The following IL18RAP variants were observed in gnomAD, a reference collection of about 807,000 sequenced individuals.
The protein encoded by IL18RAP is interleukin 18 receptor accessory protein.
IL18RAP carries 37 observed loss-of-function variants against 58.1 expected under a neutral mutation model. The observed-to-expected ratio is 0.64, with a 90% CI of 0.49 to 0.84. IL18RAP has a LOEUF of 0.84. IL18RAP is among the 40% of genes least tolerant of loss of function. The pLI is 0.00. For missense variants in IL18RAP, 667 were observed against 704.8 expected (o/e 0.95, Z 0.61); for synonymous variants, 268 against 257.5 (o/e 1.04, Z -0.39).
At chr2:102,420,752 A>C (rs985785769), upstream of IL18RAP, among the ~76,000 whole-genome samples, 10 of 152,170 alleles carry the variant, frequency 6.6e-5, no homozygotes, top group African/African-American at 2.4e-4. Context: ...AGGTGGAGGA[A>C]CTACTGATAC....
Position 102,424,365 on chromosome 2 carries a change from G to T in IL18RAP, c.530G>T (p.Ser177Ile), listed in dbSNP as rs1453932697. 2 of 1,614,062 alleles carry T rather than the reference G, an allele frequency of 1.2e-6. No homozygotes were observed. The highest frequency in any genetic ancestry group is 1.7e-6 in the Non-Finnish European group (2 of 1,179,952). Residue 177 changes from serine (S) to isoleucine (I), a missense_variant, in exon 3 of 10, where the codon AGT becomes ATT. Coordinates refer to ENST00000687160, the MANE Select transcript of IL18RAP (RefSeq NM_001393487.1). ...AGCACTGGCTCTATTTCTTGCCCCAGTCTCAGCTGCCAAAGTGATGCACAA... is the reference window on the plus strand; with the variant it reads ...AGCACTGGCTCTATTTCTTGCCCCATTCTCAGCTGCCAAAGTGATGCACAA... Reference protein sequence around the residue: ...LGSTGSISCPSLSCQSDAQSP... With the variant: ...LGSTGSISCPILSCQSDAQSP...
chr2:102,422,690 A>AT (rs1681649653), upstream of IL18RAP, among the ~76,000 whole-genome samples: 1 of 152,010 alleles, frequency 6.6e-6, no homozygotes, highest in Admixed American at 6.5e-5. Flanking sequence ...TCCAGTGACA[A>AT]TTTTCCCTCT....
chr2:102,420,728 A>G (rs886317168), upstream of IL18RAP, among the ~76,000 whole-genome samples: 6 of 152,194 alleles, frequency 3.9e-5, no homozygotes, highest in Admixed American at 2.6e-4. Context: ...AGAAATTCTG[A>G]TTCCCTCATT....
chr2:102,430,802 A>G (rs940713006), intron 3 of IL18RAP, among the ~76,000 whole-genome samples: 2 of 152,138 alleles, frequency 1.3e-5, no homozygotes, highest in Non-Finnish European at 1.5e-5. Flanking sequence ...ACTTAACTTT[A>G]TATACAACAA....
At chr2:102,449,683 A>T (rs967282421) in intron 8 of IL18RAP, among the ~76,000 whole-genome samples, 3 of 152,204 alleles carry the variant, frequency 2.0e-5, no homozygotes, top group African/African-American at 7.2e-5. Flanking sequence ...GACCTCAGAG[A>T]TCATCTAATA....
intron 7 of IL18RAP, among the ~76,000 whole-genome samples, chr2:102,446,148 G>C (rs905314645): frequency 6.6e-6 from 1 of 152,164 alleles, no homozygotes; most frequent in Non-Finnish European, 1.5e-5. Flanking sequence ...TGCAATGAGA[G>C]AGATGTAAAT....
intron 4 of IL18RAP, 108 bp from the exon 5 acceptor site, chr2:102,441,204 C>T: frequency 1.3e-6 from 1 of 779,212 alleles, no homozygotes. Flanking sequence ...AATGTGAAGA[C>T]AGAGCTCCAA....
chr2:102,432,358 G>A (rs1282859496), intron 3 of IL18RAP: 1 of 154,190 alleles, frequency 6.5e-6, no homozygotes, highest in Non-Finnish European at 1.5e-5. Context: ...CCTGATCAGA[G>A]GCAGTCACAG....
chr2:102,451,494 T>C (rs1683763390), intron 9 of IL18RAP, among the ~76,000 whole-genome samples: 10 of 152,218 alleles, frequency 6.6e-5, no homozygotes, highest in Admixed American at 6.5e-4. Context: ...GGATGTTCCA[T>C]GGCTCCCATT....
At chr2:102,432,924 C>T (rs1164774586) in intron 3 of IL18RAP, among the ~76,000 whole-genome samples, 1 of 152,154 alleles carries the variant, frequency 6.6e-6, no homozygotes, top group Non-Finnish European at 1.5e-5. Context: ...AAACAAACTT[C>T]ATCTTAAATA....
At chr2:102,425,937 G>A (rs1461889828) in intron 3 of IL18RAP, among the ~76,000 whole-genome samples, 3 of 152,162 alleles carry the variant, frequency 2.0e-5, no homozygotes, top group Admixed American at 6.5e-5. Flanking sequence ...GTCAACATGT[G>A]TTTAATGGTG....
intron 6 of IL18RAP, among the ~76,000 whole-genome samples, chr2:102,444,672 C>T (rs902750082): frequency 3.9e-5 from 6 of 152,210 alleles, no homozygotes; most frequent in African/African-American, 9.6e-5. Context: ...GGTGGAGCAG[C>T]GTGGCACAAG....
At chr2:102,446,103 G>A (rs769231335) in intron 7 of IL18RAP, among the ~76,000 whole-genome samples, 1 of 152,184 alleles carries the variant, frequency 6.6e-6, no homozygotes, top group Non-Finnish European at 1.5e-5. Flanking sequence ...TTAGGCTGCA[G>A]TAGGAATGAT....
intron 6 of IL18RAP, among the ~76,000 whole-genome samples, chr2:102,443,939 G>C (rs1683263450): frequency 6.6e-6 from 1 of 152,116 alleles, no homozygotes; most frequent in African/African-American, 2.4e-5. Flanking sequence ...AGATATTTTG[G>C]CCAGTAGAAA....
At chr2:102,422,545 C>A (rs1681641276), upstream of IL18RAP, among the ~76,000 whole-genome samples, 1 of 152,140 alleles carries the variant, frequency 6.6e-6, no homozygotes, top group African/African-American at 2.4e-5. Context: ...CAAGATATTT[C>A]AAGTAAGTGG....
chr2:102,427,789 A>C (rs1194358178), intron 3 of IL18RAP, among the ~76,000 whole-genome samples: 1 of 151,978 alleles, frequency 6.6e-6, no homozygotes, highest in African/African-American at 2.4e-5. Flanking sequence ...AGTGCTGTAG[A>C]GCTTTCCCTC....
chr2:102,423,721 C>A lies in IL18RAP; in HGVS notation c.71-90C>A, dbSNP rs143062976. 570 of 914,542 alleles carry A rather than the reference C, an allele frequency of 6.2e-4. 3 individuals are homozygous for A. The African/African-American group carries it at 8.2e-3, about 13-fold the overall frequency. 56.7% of individuals were successfully genotyped at this position (914,542 alleles called of 1,614,324 possible). A position where few individuals can be genotyped will look rare whatever the true frequency, so the allele number is the denominator to read the frequency against. Reference sequence around the variant, plus strand: ...AGAAAGACACACAAGGAAGCTAGATCTCTTGTTAAATCAAGTACTAGATGT... The same window carrying A: ...AGAAAGACACACAAGGAAGCTAGATATCTTGTTAAATCAAGTACTAGATGT... On this transcript the variant is annotated intron_variant, in intron 1 of 9. Coordinates refer to ENST00000687160, the MANE Select transcript of IL18RAP (RefSeq NM_001393487.1).
At chr2:102,443,853 A>G (rs4851584) in intron 6 of IL18RAP, among the ~76,000 whole-genome samples, 115,272 of 152,128 alleles carry the variant, frequency 0.76, 44,485 homozygotes, top group African/African-American at 0.84. Context: ...GAGCTATTAC[A>G]TTGTTTGAGA....
At chr2:102,433,450 A>G (rs2041756) in intron 3 of IL18RAP, among the ~76,000 whole-genome samples, 117,907 of 152,140 alleles carry the variant, frequency 0.77, 46,712 homozygotes, top group African/African-American at 0.9. Flanking sequence ...TTTCAAATTC[A>G]TGGTTTCAAC....
Sources: allele counts gnomAD v4.1 joint callset (sites outside exome capture counted in the v4.1 genomes callset), GRCh38; gene constraint gnomAD v4.1.1; transcripts MANE v1.5; gene names NCBI Gene and HGNC (gene_info 2026-07-23, HGNC 2026-07-21).